Variants in KCNIP4 observed in about 807,000 individuals in gnomAD.
KCNIP4 encodes potassium voltage-gated channel interacting protein 4.
Under a neutral mutation model 34.0 loss-of-function variants are expected in KCNIP4, and 12 were observed. The ratio of observed to expected loss-of-function variants is 0.35; its 90% CI spans 0.23 to 0.57. The LOEUF (loss-of-function observed/expected upper bound fraction) is 0.57. KCNIP4 is among the 20% of genes least tolerant of loss of function. KCNIP4 has a pLI of 0.83. For synonymous variants in KCNIP4, 124 were observed against 102.2 expected (o/e 1.21, Z -1.29); for missense variants, 238 against 311.7 (o/e 0.76, Z 1.78).
At chr4:20,780,400 C>G (rs1756770195) in intron 3 of KCNIP4, among the ~76,000 whole-genome samples, 1 of 152,108 alleles carries the variant, frequency 6.6e-6, no homozygotes, top group South Asian at 2.1e-4. Flanking sequence ...CAGGTCAACT[C>G]CATGGATATT....
chr4:21,205,167 A>T (rs1424591099), intron 1 of KCNIP4, among the ~76,000 whole-genome samples: 1 of 152,206 alleles, frequency 6.6e-6, no homozygotes, highest in African/African-American at 2.4e-5. Context: ...TTCTGAGTGT[A>T]ATTCCACAAA....
chr4:21,227,713 T>G (rs947649174), intron 1 of KCNIP4, among the ~76,000 whole-genome samples: 2 of 152,116 alleles, frequency 1.3e-5, no homozygotes, highest in Non-Finnish European at 2.9e-5. Flanking sequence ...ACCAACTAGT[T>G]ATCAAAATCA....
At chr4:21,499,869 C>T (rs1055538160) in intron 1 of KCNIP4, among the ~76,000 whole-genome samples, 6 of 152,090 alleles carry the variant, frequency 3.9e-5, no homozygotes, top group African/African-American at 1.4e-4. Flanking sequence ...AGTAATATAT[C>T]CAACTGTTTA....
At chr4:21,618,570 C>G (rs1744760613) in intron 1 of KCNIP4, among the ~76,000 whole-genome samples, 1 of 150,758 alleles carries the variant, frequency 6.6e-6, no homozygotes, top group Non-Finnish European at 1.5e-5. Flanking sequence ...GTCTCTCTCT[C>G]TCTCTCTCTC....
intron 1 of KCNIP4, among the ~76,000 whole-genome samples, chr4:21,491,165 G>A (rs1001089169): frequency 6.6e-6 from 1 of 152,080 alleles, no homozygotes; most frequent in Admixed American, 6.6e-5. Flanking sequence ...CTGAGAACAT[G>A]TCAAGACAAT....
chr4:21,148,745 A>G lies in KCNIP4; in HGVS notation c.62-266036T>C, dbSNP rs1260854764. 9.2e-5 allele frequency among the ~76,000 whole-genome samples: 14 copies of G among 152,056 alleles called. No individual in the cohort carries two copies. The East Asian group carries it at 2.7e-3, about 29-fold the overall frequency. The stretch of plus-strand genomic sequence containing the variant: ...GAAAGGCCAAGTAAAGTGACAAATC[A>G]CAGCAAATAACAATTTATCCCTACT... On this transcript the variant is annotated intron_variant, in intron 1 of 8. Transcript: ENST00000382152.
At chr4:20,820,749 C>T (rs1379183373) in intron 3 of KCNIP4, among the ~76,000 whole-genome samples, 2 of 152,258 alleles carry the variant, frequency 1.3e-5, no homozygotes, top group African/African-American at 4.8e-5. Context: ...AGGATGGGGG[C>T]CAAGGTCCCT....
At chr4:21,902,898 A>G (rs953648357) in intron 1 of KCNIP4, among the ~76,000 whole-genome samples, 4 of 152,204 alleles carry the variant, frequency 2.6e-5, no homozygotes, top group Admixed American at 2.0e-4. Context: ...GGACCCAGAA[A>G]GGTGAGTTCA....
rs550393164 is a variant in KCNIP4, at chr4:20,738,695, T to C, written c.430-3960A>G. Among the ~76,000 whole-genome samples, 4 of 152,312 alleles carry C rather than the reference T, an allele frequency of 2.6e-5. No individual in the cohort carries two copies. The East Asian group carries it at 7.7e-4, about 29-fold the overall frequency. On this transcript the variant is annotated intron_variant, in intron 5 of 8. Coordinates refer to ENST00000382152, the MANE Select transcript of KCNIP4 (RefSeq NM_025221.6). ...ATGAGCAACGCAGAAGATGGGTGAT[T>C]TCTGCATTTCCAACTGAGGTACCAG...
At chr4:21,582,004 A>C (rs546844841) in intron 1 of KCNIP4, 3 of 149,350 alleles carry the variant, frequency 2.0e-5, no homozygotes, top group Non-Finnish European at 4.5e-5. Flanking sequence ...CATAGGGCAT[A>C]GAAGAATAGA....
chr4:21,452,197 T>TA (rs1408435382), intron 1 of KCNIP4, among the ~76,000 whole-genome samples: 1 of 151,930 alleles, frequency 6.6e-6, no homozygotes, highest in South Asian at 2.1e-4. Flanking sequence ...TAAAAGAAAA[T>TA]AAAAAATTCT....
chr4:21,763,759 C>T (rs1718213203), intron 1 of KCNIP4, among the ~76,000 whole-genome samples: 2 of 152,116 alleles, frequency 1.3e-5, no homozygotes, highest in Non-Finnish European at 2.9e-5. Context: ...CTAAATTTTT[C>T]ATTTCAGTCT....
intron 1 of KCNIP4, among the ~76,000 whole-genome samples, chr4:20,896,296 T>A (rs1208917463): frequency 6.6e-6 from 1 of 152,226 alleles, no homozygotes; most frequent in African/African-American, 2.4e-5. Context: ...TTAACTTTTT[T>A]ACTCTCCTCT....
At chr4:21,205,060 G>A (rs1756750635) in intron 1 of KCNIP4, among the ~76,000 whole-genome samples, 3 of 152,322 alleles carry the variant, frequency 2.0e-5, no homozygotes, top group South Asian at 4.1e-4. Context: ...TGAATTTCTG[G>A]AAGTTTCAAC....
At chr4:21,505,289 C>T (rs1353839133) in intron 1 of KCNIP4, among the ~76,000 whole-genome samples, 1 of 150,752 alleles carries the variant, frequency 6.6e-6, no homozygotes, top group Non-Finnish European at 1.5e-5. Flanking sequence ...AAAAAAAGAT[C>T]AAGCCAAACT....
intron 1 of KCNIP4, among the ~76,000 whole-genome samples, chr4:21,588,085 T>C (rs1221108475): frequency 2.0e-5 from 3 of 152,070 alleles, no homozygotes; most frequent in African/African-American, 7.2e-5. Flanking sequence ...CTAAAATAAT[T>C]ATTCCATGTG....
rs556036068 is a variant in KCNIP4 at position 21,254,626 on chromosome 4, C to T, written c.62-371917G>A. On this transcript the variant is annotated intron_variant, in intron 1 of 8. Coordinates refer to ENST00000382152, the MANE Select transcript of KCNIP4 (RefSeq NM_025221.6). Reference sequence around the variant, plus strand: ...TCTTCCCTATTTATCATTTTTTGAGCTTTATTCATGACCTACCTCCACTGC... The same window carrying T: ...TCTTCCCTATTTATCATTTTTTGAGTTTTATTCATGACCTACCTCCACTGC... 3.3e-5 allele frequency among the ~76,000 whole-genome samples: 5 copies of T among 152,230 alleles called. No homozygotes were observed. The East Asian group carries it at 7.7e-4, about 24-fold the overall frequency.
At chr4:21,094,374 G>A (rs1228500849) in intron 1 of KCNIP4, among the ~76,000 whole-genome samples, 1 of 152,162 alleles carries the variant, frequency 6.6e-6, no homozygotes, top group African/African-American at 2.4e-5. Context: ...AAAATGTTAA[G>A]ATCTGAATTG....
intron 1 of KCNIP4, among the ~76,000 whole-genome samples, chr4:21,342,573 G>C (rs529156209): frequency 6.6e-6 from 1 of 152,162 alleles, no homozygotes; most frequent in East Asian, 1.9e-4. Flanking sequence ...ATTTACTTTA[G>C]TTTATAAGCC....
Sources: allele counts gnomAD v4.1 joint callset (sites outside exome capture counted in the v4.1 genomes callset), GRCh38; gene constraint gnomAD v4.1.1; transcripts MANE v1.5; gene names NCBI Gene and HGNC (gene_info 2026-07-23, HGNC 2026-07-21).